Variants in RIMS2 observed in about 807,000 individuals in gnomAD.
RIMS2 encodes regulating synaptic membrane exocytosis protein 2.
In RIMS2, 59 loss-of-function variants were observed where a neutral mutation model predicts 174.4. That is an observed-to-expected ratio of 0.34 (90% CI 0.27 to 0.42). The LOEUF is 0.42. RIMS2 is among the 10% of genes least tolerant of loss of function. RIMS2 has a pLI of 1.00. For missense variants in RIMS2, 1,620 were observed against 1,666.3 expected (o/e 0.97, Z 0.48); for synonymous variants, 606 against 572.5 (o/e 1.06, Z -0.84).
At chr8:103,547,887 A>G (rs1041182219) in intron 1 of RIMS2, among the ~76,000 whole-genome samples, 2 of 152,200 alleles carry the variant, frequency 1.3e-5, no homozygotes, top group Admixed American at 6.5e-5. Flanking sequence ...GAACACCTCT[A>G]TGCACACAAA....
Position 103,734,014 on chromosome 8 carries a change from CTTTTTTTTT to C in RIMS2, c.388-32196_388-32188del, listed in dbSNP as rs59348302. 5.7e-3 allele frequency among the ~76,000 whole-genome samples: 490 copies of C among 85,754 alleles called. 7 individuals carry two copies. Among genetic ancestry groups the C allele is most frequent in the African/African-American group, 0.024 (448 of 18,610 alleles). 56.3% of individuals were successfully genotyped at this position (85,754 alleles called of 152,430 possible). A position where few individuals can be genotyped will look rare whatever the true frequency, so the allele number is the denominator to read the frequency against. ...CTTGCTTTACCTCTCCTAAAAGCTT[CTTTTTTTTT>C]TTTTTTTTTTTTTTTTCCCAGACGG... is the stretch of plus-strand genomic sequence containing the variant. On this transcript the variant is annotated intron_variant, in intron 2 of 23. Coordinates refer to ENST00000504942, the Ensembl canonical transcript of RIMS2.
At chr8:103,515,681 A>C (rs1368891180) in intron 1 of RIMS2, among the ~76,000 whole-genome samples, 1 of 152,116 alleles carries the variant, frequency 6.6e-6, no homozygotes, top group Non-Finnish European at 1.5e-5. Context: ...TGGAAATAAA[A>C]TATTACTTGA....
intron 3 of RIMS2, among the ~76,000 whole-genome samples, chr8:103,795,328 C>CA (rs1288059295): frequency 6.7e-6 from 1 of 149,872 alleles, no homozygotes; most frequent in East Asian, 2.0e-4. Flanking sequence ...CAAACTGTCG[C>CA]AAGGACAGAA....
At chr8:104,077,851 A>C (rs1018205206) in intron 19 of RIMS2, among the ~76,000 whole-genome samples, 1 of 151,580 alleles carries the variant, frequency 6.6e-6, no homozygotes, top group African/African-American at 2.4e-5. Context: ...ACAGTTAAAA[A>C]CTTGGTGGTG....
intron 4 of RIMS2, among the ~76,000 whole-genome samples, chr8:103,901,115 A>C (rs547037353): frequency 2.1e-3 from 314 of 152,184 alleles, no homozygotes; most frequent in Non-Finnish European, 3.7e-3. Flanking sequence ...CCTCTATTTC[A>C]GGCTCCTCTT....
intron 19 of RIMS2, among the ~76,000 whole-genome samples, chr8:104,109,102 C>A (rs1470875860): frequency 1.3e-5 from 2 of 151,840 alleles, no homozygotes; most frequent in African/African-American, 4.8e-5. Context: ...TCGAGACCAT[C>A]TTGGCTAACA....
chr8:104,077,624 C>A (rs1172149863), intron 19 of RIMS2, among the ~76,000 whole-genome samples: 1 of 145,380 alleles, frequency 6.9e-6, no homozygotes, highest in African/African-American at 2.5e-5. Flanking sequence ...AATGTATTTC[C>A]ACATAATTTA....
intron 17 of RIMS2, among the ~76,000 whole-genome samples, chr8:104,004,781 G>A (rs2095514892): frequency 6.6e-6 from 1 of 152,030 alleles, no homozygotes; most frequent in South Asian, 2.1e-4. Context: ...ACACACAGAT[G>A]GATTTTGTGA....
chr8:103,861,268 A>C (rs1238288427), intron 3 of RIMS2, among the ~76,000 whole-genome samples: 1 of 152,072 alleles, frequency 6.6e-6, no homozygotes, highest in East Asian at 1.9e-4. Context: ...ACTTAGGCTA[A>C]TGGCCTCCAG....
At chr8:104,135,523 T>A (rs1217721143) in intron 19 of RIMS2, among the ~76,000 whole-genome samples, 1 of 150,518 alleles carries the variant, frequency 6.6e-6, no homozygotes, top group African/African-American at 2.5e-5. Context: ...GGAGGATCAC[T>A]TGAGCCCAAG....
Position 104,041,314 on chromosome 8 carries a change from A to G in RIMS2, c.3334+26699A>G, listed in dbSNP as rs771313842. On this transcript the variant is annotated intron_variant, in intron 19 of 23. Coordinates refer to ENST00000504942, the Ensembl canonical transcript of RIMS2. ...TTTGTCTATGTCTGTCCATTACACG[A>G]TGTGATCACAGAAGAACTGGACTCT... 10 of 695,510 alleles carry G rather than the reference A, an allele frequency of 1.4e-5. No homozygotes were observed. The South Asian group carries it at 1.5e-4, about 11-fold the overall frequency. The allele number at this position is 695,510 out of a possible 1,614,324, so 43.1% of individuals were successfully genotyped here.
intron 23 of RIMS2, 126 bp from the exon 30 acceptor site, chr8:104,251,476 A>G: frequency 1.5e-6 from 1 of 658,168 alleles, no homozygotes; most frequent in Non-Finnish European, 2.7e-6. Context: ...TCTATTATGC[A>G]GATTTTAACT....
chr8:103,634,268 C>A lies in RIMS2; in HGVS notation c.177-62818C>A, dbSNP rs370628755. 1.4e-4 allele frequency among the ~76,000 whole-genome samples: 22 copies of A among 152,256 alleles called. No homozygotes were observed. The East Asian group carries it at 3.9e-3, about 27-fold the overall frequency. On this transcript the variant is annotated intron_variant, in intron 1 of 23. Transcript: ENST00000504942. ...AACTTCTTGATTTCTGCCTTAATTT[C>A]GTTATTTACTCAAAAGTCATTCAGG... is the stretch of plus-strand genomic sequence containing the variant.
chr8:103,890,615 A>G (rs575594499), intron 4 of RIMS2, among the ~76,000 whole-genome samples: 6 of 152,146 alleles, frequency 3.9e-5, no homozygotes. Context: ...TTATAACACT[A>G]AATTGATCGC....
At chr8:103,925,637 G>A (rs977753885) in intron 10 of RIMS2, among the ~76,000 whole-genome samples, 2 of 150,532 alleles carry the variant, frequency 1.3e-5, no homozygotes, top group African/African-American at 4.8e-5. Flanking sequence ...GGTCTCTCAT[G>A]CTTACAATAA....
At chr8:103,522,916 T>C (rs1278609919) in intron 1 of RIMS2, among the ~76,000 whole-genome samples, 2 of 152,170 alleles carry the variant, frequency 1.3e-5, no homozygotes, top group Admixed American at 6.6e-5. Context: ...AATGAATTAA[T>C]GAAGGAGTTA....
chr8:104,105,137 A>G (rs1458004126), intron 19 of RIMS2, among the ~76,000 whole-genome samples: 1 of 152,154 alleles, frequency 6.6e-6, no homozygotes, highest in Non-Finnish European at 1.5e-5. Context: ...CCAGCTCTCA[A>G]GGACTTCAGT....
chr8:103,555,359 A>G (rs973508308), intron 1 of RIMS2, among the ~76,000 whole-genome samples: 2 of 152,208 alleles, frequency 1.3e-5, no homozygotes, highest in African/African-American at 4.8e-5. Flanking sequence ...TAAAAAAGGT[A>G]AAATATATGT....
At chr8:103,876,864 T>TTTTATATATATATATATA (rs1378279723) in intron 3 of RIMS2, among the ~76,000 whole-genome samples, 10 of 68,080 alleles carry the variant, frequency 1.5e-4, no homozygotes, top group Non-Finnish European at 2.5e-4. Context: ...ACACACTATT[T>TTTTATATATATATATATA]TATATATATA....
Sources: gnomAD v4.1 joint callset for allele counts (sites outside exome capture counted in the v4.1 genomes callset) on GRCh38, gnomAD v4.1.1 for gene constraint, MANE v1.5 for transcripts, NCBI Gene and HGNC (gene_info 2026-07-23, HGNC 2026-07-21) for gene names.